Variants in CALN1 observed in about 807,000 individuals in gnomAD.
The protein encoded by CALN1 is calneuron 1.
Under a neutral mutation model 30.6 loss-of-function variants are expected in CALN1, and 17 were observed. That is an observed-to-expected ratio of 0.56 (90% confidence interval 0.38 to 0.83). CALN1 has a LOEUF of 0.83. Ranked by LOEUF, CALN1 falls within the 40% of genes least tolerant of loss-of-function variation. The probability of loss-of-function intolerance (pLI) is 0.00; values close to 1 mark genes in which losing one functional copy is unlikely to be tolerated. For synonymous variants in CALN1, 156 were observed against 131.4 expected, an observed-to-expected ratio of 1.19 and a Z score of -1.28; for missense variants, 291 against 354.9, an observed-to-expected ratio of 0.82 and a Z score of 1.45.
chr7:72,002,693 C>A (rs1191017671), intron 5 of CALN1, among the ~76,000 whole-genome samples: 2 of 152,110 alleles, frequency 1.3e-5, no homozygotes, highest in African/African-American at 2.4e-5. Flanking sequence ...TAAGTGAGAT[C>A]AGTAAGGTTA....
At chr7:72,375,968 CCTATT>C (rs2129560557) in intron 2 of CALN1, among the ~76,000 whole-genome samples, 1 of 152,306 alleles carries the variant, frequency 6.6e-6, no homozygotes, top group African/African-American at 2.4e-5. Context: ...GATGGGTTTG[CCTATT>C]CTAGATATAT....
chr7:72,393,875 GAGT>G, intron 2 of CALN1, among the ~76,000 whole-genome samples: 1 of 151,846 alleles, frequency 6.6e-6, no homozygotes, highest in South Asian at 2.1e-4. Flanking sequence ...TCAGCATCCT[GAGT>G]AGCTAGGATT....
intron 3 of CALN1, among the ~76,000 whole-genome samples, chr7:72,250,747 C>T (rs999054314): frequency 6.6e-6 from 1 of 152,096 alleles, no homozygotes. Context: ...GCCCACTCCC[C>T]TTCCTCTTCC....
At chr7:72,186,812 CTGA>C (rs1790222698) in intron 3 of CALN1, among the ~76,000 whole-genome samples, 1 of 150,904 alleles carries the variant, frequency 6.6e-6, no homozygotes, top group African/African-American at 2.4e-5. Context: ...CAGTCCACCA[CTGA>C]TGGACACCTG....
chr7:72,260,848 G>A (rs1326223529), intron 3 of CALN1, among the ~76,000 whole-genome samples: 1 of 152,086 alleles, frequency 6.6e-6, no homozygotes. Context: ...TTGCACAGGG[G>A]TACCAGACCA....
chr7:72,145,908 A>T (rs1314524926), intron 3 of CALN1, among the ~76,000 whole-genome samples: 1 of 152,252 alleles, frequency 6.6e-6, no homozygotes, highest in African/African-American at 2.4e-5. Flanking sequence ...AAGGCCTTTG[A>T]CAAAATTCAA....
intron 3 of CALN1, among the ~76,000 whole-genome samples, chr7:72,218,064 G>A (rs1450673301): frequency 1.3e-5 from 2 of 151,056 alleles, no homozygotes; most frequent in African/African-American, 4.8e-5. Context: ...GGATGGTCTT[G>A]ATCTCCTGAC....
chr7:71,988,262 GAGA>G (rs1437363260), intron 5 of CALN1, among the ~76,000 whole-genome samples: 2 of 152,318 alleles, frequency 1.3e-5, no homozygotes, highest in African/African-American at 2.4e-5. Flanking sequence ...CAAAAATAAG[GAGA>G]AGAAGTTGAC....
chr7:71,858,978 C>A (rs961794865), intron 5 of CALN1, among the ~76,000 whole-genome samples: 2 of 152,168 alleles, frequency 1.3e-5, no homozygotes, highest in Admixed American at 6.5e-5. Flanking sequence ...TTTGAGTTCA[C>A]AGATGTAAAC....
intron 5 of CALN1, among the ~76,000 whole-genome samples, chr7:71,933,097 A>T (rs1385437217): frequency 9.7e-6 from 1 of 103,400 alleles, no homozygotes; most frequent in Non-Finnish European, 2.3e-5. Flanking sequence ...CATGCAAGCT[A>T]GAAGCTTGCA....
At chr7:72,260,014 T>A (rs1268498244) in intron 3 of CALN1, among the ~76,000 whole-genome samples, 2 of 152,212 alleles carry the variant, frequency 1.3e-5, no homozygotes, top group Non-Finnish European at 2.9e-5. Flanking sequence ...GGAGGACAGC[T>A]TGAAGCCTTG....
intron 3 of CALN1, among the ~76,000 whole-genome samples, chr7:72,106,624 G>A (rs1807135907): frequency 7.1e-6 from 1 of 141,324 alleles, no homozygotes; most frequent in African/African-American, 2.6e-5. Context: ...GGAAAAAAGA[G>A]AAAGAAGAAA....
chr7:72,364,064 TAAA>T (rs140134497), intron 2 of CALN1, among the ~76,000 whole-genome samples: 1 of 148,802 alleles, frequency 6.7e-6, no homozygotes, highest in Admixed American at 6.7e-5. Flanking sequence ...AAAATTGCAG[TAAA>T]AAAAAAAAAT....
intron 2 of CALN1, among the ~76,000 whole-genome samples, chr7:72,282,696 G>A (rs1045223228): frequency 6.6e-6 from 1 of 152,184 alleles, no homozygotes; most frequent in South Asian, 2.1e-4. Context: ...AATGTCTGTT[G>A]TTTATAAATT....
intron 2 of CALN1, among the ~76,000 whole-genome samples, chr7:72,360,381 C>T (rs183107375): frequency 1.8e-4 from 28 of 152,036 alleles, no homozygotes; most frequent in Non-Finnish European, 2.5e-4. Flanking sequence ...GCAGGATATA[C>T]GGCTGTTTTT....
chr7:72,051,392 AGATT>A (rs1244793811), intron 4 of CALN1, among the ~76,000 whole-genome samples: 4 of 152,176 alleles, frequency 2.6e-5, no homozygotes, highest in African/African-American at 4.8e-5. Flanking sequence ...TTATTAAAAA[AGATT>A]ATTACAGATT....
chr7:72,019,114 G>A (rs1474962835), intron 5 of CALN1, among the ~76,000 whole-genome samples: 2 of 151,684 alleles, frequency 1.3e-5, no homozygotes, highest in African/African-American at 4.8e-5. Flanking sequence ...GCCTCCCTAA[G>A]TGCTGGGATT....
At chr7:72,140,898 C>G (rs771881673) in intron 3 of CALN1, among the ~76,000 whole-genome samples, 1 of 152,240 alleles carries the variant, frequency 6.6e-6, no homozygotes, top group African/African-American at 2.4e-5. Context: ...TGGGGCCTTG[C>G]TCTGCAGTCC....
intron 5 of CALN1, among the ~76,000 whole-genome samples, chr7:71,894,520 C>T (rs1288569202): frequency 1.3e-5 from 2 of 152,170 alleles, no homozygotes; most frequent in Admixed American, 1.3e-4. Flanking sequence ...ATCCTCCCAC[C>T]TCGACCTCCC....
Sources: allele counts gnomAD v4.1 joint callset (sites outside exome capture counted in the v4.1 genomes callset), GRCh38; gene constraint gnomAD v4.1.1; transcripts MANE v1.5; gene names NCBI Gene and HGNC (gene_info 2026-07-23, HGNC 2026-07-21).